ARID4A: variants seen among roughly 807,000 people sequenced by gnomAD.
The protein encoded by ARID4A is AT-rich interactive domain-containing protein 4A.
Under a neutral mutation model 148.6 loss-of-function variants are expected in ARID4A, and 39 were observed. The ratio of observed to expected loss-of-function variants is 0.26; its 90% CI spans 0.20 to 0.34. ARID4A has a LOEUF of 0.34. Among genes scored for constraint, ARID4A ranks in the 10% least tolerant of loss-of-function variants. The probability of loss-of-function intolerance (pLI) is 1.00; values close to 1 mark genes in which losing one functional copy is unlikely to be tolerated. For synonymous variants in ARID4A, 475 were observed against 481.2 expected (o/e 0.99, Z 0.17); for missense variants, 1,265 against 1,449.1 (o/e 0.87, Z 2.06).
chr14:58,329,403 T>C (rs1194307366), intron 9 of ARID4A, 125 bp from the exon 10 acceptor site: 1 of 675,658 alleles, frequency 1.5e-6, no homozygotes, highest in African/African-American at 1.8e-5. Context: ...AGGACTAAGA[T>C]AAAAACATTT....
chr14:58,300,367 A>T (rs373630139), intron 2 of ARID4A, among the ~76,000 whole-genome samples: 2 of 151,284 alleles, frequency 1.3e-5, no homozygotes, highest in East Asian at 1.9e-4. Flanking sequence ...ATTTTAAAAC[A>T]TATACTAAAA....
At chr14:58,360,863 C>T in intron 18 of ARID4A, 38 bp from the exon 19 acceptor site, 1 of 1,597,100 alleles carries the variant, frequency 6.3e-7, no homozygotes, top group South Asian at 1.1e-5. Flanking sequence ...TTTCGTAAAG[C>T]ATTGGCCCTT....
intron 20 of ARID4A, 29 bp from the exon 21 acceptor site, chr14:58,365,489 T>TTA: frequency 2.0e-5 from 20 of 985,658 alleles, no homozygotes; most frequent in East Asian, 3.2e-5. Flanking sequence ...TTTTTTTTTT[T>TTA]CAACATTCTC....
chr14:58,316,737 T>A (rs60174761), intron 5 of ARID4A, among the ~76,000 whole-genome samples: 2 of 152,042 alleles, frequency 1.3e-5, no homozygotes, highest in Admixed American at 1.3e-4. Context: ...TGTGCCACCA[T>A]GCCTGGCTAA....
intron 17 of ARID4A, among the ~76,000 whole-genome samples, chr14:58,355,982 G>GT (rs1429919217): frequency 6.6e-6 from 1 of 152,032 alleles, no homozygotes; most frequent in Non-Finnish European, 1.5e-5. Context: ...CTGGTTCATG[G>GT]TTTTTCGTTG....
intron 8 of ARID4A, among the ~76,000 whole-genome samples, chr14:58,327,065 A>G (rs567604697): frequency 6.6e-6 from 1 of 152,360 alleles, no homozygotes; most frequent in South Asian, 2.1e-4. Context: ...ATATTCAATT[A>G]TCTGGATATA....
intron 18 of ARID4A, among the ~76,000 whole-genome samples, chr14:58,360,086 T>C (rs1787383265): frequency 6.6e-6 from 1 of 151,950 alleles, no homozygotes; most frequent in South Asian, 2.1e-4. Flanking sequence ...AAAAAAATCT[T>C]GATTCTTGAC....
chr14:58,324,071 A>AT (rs1156991489), intron 8 of ARID4A, among the ~76,000 whole-genome samples: 3 of 150,478 alleles, frequency 2.0e-5, no homozygotes. Context: ...CGCCTGGCTA[A>AT]TTTTTTGTAT....
intron 11 of ARID4A, among the ~76,000 whole-genome samples, chr14:58,333,204 T>C (rs1314356794): frequency 1.3e-5 from 2 of 152,240 alleles, no homozygotes; most frequent in Admixed American, 1.3e-4. Context: ...TCAATAATTA[T>C]ATTGAAAAAA....
intron 17 of ARID4A, among the ~76,000 whole-genome samples, chr14:58,356,155 C>A (rs2034855661): frequency 6.6e-6 from 1 of 152,132 alleles, no homozygotes; most frequent in African/African-American, 2.4e-5. Flanking sequence ...CTGGGACTAT[C>A]CTTTGTTAGC....
chr14:58,327,540 G>C (rs1446173711), intron 8 of ARID4A, among the ~76,000 whole-genome samples: 1 of 151,550 alleles, frequency 6.6e-6, no homozygotes, highest in Middle Eastern at 3.4e-3. Context: ...TTTCAAAAAA[G>C]ATCCTTATTC....
In ARID4A at chr14:58,335,390, C is replaced by T. The variant is rs187504426; in HGVS notation, c.906+5221C>T. Among the ~76,000 whole-genome samples the T allele has an allele frequency of 5.4e-4, 81 of 151,094 alleles. 1 individual carries two copies. The highest frequency in any genetic ancestry group is 3.4e-3 in the Middle Eastern group (1 of 292). ...GTGCAATGGCGTGATCTCGGCTCAC[C>T]ACAACCTCCGCCTCCTGGGTTCAAG... On this transcript the variant is annotated intron_variant, in intron 11 of 23. Transcript: ENST00000355431.
Position 58,372,191 on chromosome 14 carries a change from A to G in ARID4A, c.*202A>G. The G allele has an allele frequency of 2.1e-6, 1 of 471,880 alleles. No individual in the cohort carries two copies. Among genetic ancestry groups the G allele is most frequent in the Non-Finnish European group, 3.8e-6 (1 of 266,344 alleles). The allele number at this position is 471,880 out of a possible 1,614,324, so 29.2% of individuals were successfully genotyped here. ...TAAGCTGATTAATAAGTGAAGGTTA[A>G]GCAGCCTGCCATATTTGTCATAATT... On this transcript the variant is annotated 3_prime_UTR_variant, in exon 24 of 24. Coordinates refer to ENST00000355431, the MANE Select transcript of ARID4A (RefSeq NM_002892.4).
chr14:58,347,226 T>A, intron 14 of ARID4A, 109 bp downstream of exon 14: 1 of 584,880 alleles, frequency 1.7e-6, no homozygotes, highest in Non-Finnish European at 2.7e-6. Flanking sequence ...TTAGAGAAAG[T>A]ATATAAAAAG....
chr14:58,302,332 A>G (rs1034193732), intron 3 of ARID4A, among the ~76,000 whole-genome samples: 5 of 152,172 alleles, frequency 3.3e-5, no homozygotes, highest in African/African-American at 1.2e-4. Flanking sequence ...TGTCTCTACT[A>G]AAAATACAAA....
chr14:58,371,290 A>G lies in ARID4A; in HGVS notation c.3671-596A>G, dbSNP rs190325988. Among the ~76,000 whole-genome samples the G allele has an allele frequency of 5.3e-5, 8 of 152,340 alleles. No homozygotes were observed. The East Asian group carries it at 1.5e-3, about 29-fold the overall frequency. Reference sequence around the variant, plus strand: ...ATCAGGCAAAGAAAGGCAGAAGACAAGAGTATTGCAAGGAAAGAGAAGATA... The same window carrying G: ...ATCAGGCAAAGAAAGGCAGAAGACAGGAGTATTGCAAGGAAAGAGAAGATA... On this transcript the variant is annotated intron_variant, in intron 23 of 23. Coordinates refer to ENST00000355431, the MANE Select transcript of ARID4A (RefSeq NM_002892.4).
chr14:58,372,187 G>T lies in ARID4A; in HGVS notation c.*198G>T. 4.2e-6 allele frequency: 2 copies of T among 471,024 alleles called. No individual in the cohort carries two copies. The highest frequency in any genetic ancestry group is 7.5e-6 in the Non-Finnish European group (2 of 266,030). 29.2% of individuals were successfully genotyped at this position (471,024 alleles called of 1,614,324 possible). ...AAAATAAGCTGATTAATAAGTGAAG[G>T]TTAAGCAGCCTGCCATATTTGTCAT... On this transcript the variant is annotated 3_prime_UTR_variant, in exon 24 of 24. Transcript: ENST00000355431.
intron 20 of ARID4A, 82 bp from the exon 21 acceptor site, chr14:58,365,436 T>G (rs1215576972): frequency 7.3e-7 from 1 of 1,366,952 alleles, no homozygotes; most frequent in Non-Finnish European, 9.9e-7. Context: ...GAAAGAAATG[T>G]CAGTGTAGTC....
Position 58,367,010 on chromosome 14 carries a change from A to T in ARID4A, c.3651A>T (p.Leu1217Phe), listed in dbSNP as rs762097042. 9 of 1,495,568 alleles carry T rather than the reference A, an allele frequency of 6.0e-6. No individual in the cohort carries two copies. The highest frequency in any genetic ancestry group is 2.6e-5 in the East Asian group (1 of 39,158). The allele number at this position is 1,495,568 out of a possible 1,614,324, so 92.6% of individuals were successfully genotyped here. The change falls in exon 23 of 24, where the codon TTA becomes TTT. Residue 1217 changes from leucine to phenylalanine, a missense_variant. Leu to Phe is a conservative substitution (Grantham distance 22). This residue lies in a region of ARID4A where 666 missense variants were observed against 730.9 expected (regional missense o/e 0.91). Transcript: ENST00000355431. The stretch of plus-strand genomic sequence containing the variant: ...CCATAGACAGGAGGAGAAAAAGATT[A>T]AAAAAGAAAGACAGGGAAGGTAATT... Reference protein sequence around the residue: ...VATIDRRRKRLKKKDREVSHA... With the variant: ...VATIDRRRKRFKKKDREVSHA...
Sources: gnomAD v4.1 joint callset for allele counts (sites outside exome capture counted in the v4.1 genomes callset) on GRCh38, gnomAD v4.1.1 for gene constraint, gnomAD v4.1.1 regional missense constraint, MANE v1.5 for transcripts, NCBI Gene and HGNC (gene_info 2026-07-23, HGNC 2026-07-21) for gene names.